The following TRIM44 variants were observed in gnomAD, a reference collection of about 807,000 sequenced individuals.
TRIM44 encodes the protein tripartite motif-containing protein 44.
TRIM44 carries 13 observed loss-of-function variants against 37.4 expected under a neutral mutation model. That is an observed-to-expected ratio of 0.35 (90% CI 0.23 to 0.55). TRIM44 has a LOEUF of 0.55. TRIM44 is among the 20% of genes least tolerant of loss of function. The pLI, the probability that TRIM44 is intolerant of heterozygous loss-of-function variation, is 0.89. For missense variants in TRIM44, 426 were observed against 437.2 expected (o/e 0.97, Z 0.23); for synonymous variants, 175 against 157.2 (o/e 1.11, Z -0.85).
chr11:35,673,821 G>A (rs1322785664), intron 1 of TRIM44, among the ~76,000 whole-genome samples: 1 of 152,000 alleles, frequency 6.6e-6, no homozygotes, highest in Non-Finnish European at 1.5e-5. Context: ...TGTCACCATT[G>A]TCTTGACCAC....
At chr11:35,806,195 T>C (rs147687545) in intron 4 of TRIM44, among the ~76,000 whole-genome samples, 163 bp from the exon 5 acceptor site, 1 of 152,310 alleles carries the variant, frequency 6.6e-6, no homozygotes, top group African/African-American at 2.4e-5. Flanking sequence ...AATCAGAATT[T>C]AGAGAAACGA....
chr11:35,736,121 G>C (rs11033261), intron 4 of TRIM44, among the ~76,000 whole-genome samples: 1 of 152,094 alleles, frequency 6.6e-6, no homozygotes, highest in East Asian at 1.9e-4. Flanking sequence ...AGGAATATTT[G>C]TACAAAGTAA....
chr11:35,790,733 A>G (rs1315854815), intron 4 of TRIM44, among the ~76,000 whole-genome samples: 1 of 152,174 alleles, frequency 6.6e-6, no homozygotes, highest in African/African-American at 2.4e-5. Flanking sequence ...GGCAGATTTC[A>G]TATAGTTCAG....
intron 2 of TRIM44, among the ~76,000 whole-genome samples, chr11:35,715,168 A>G (rs1244859875): frequency 6.6e-6 from 1 of 152,194 alleles, no homozygotes; most frequent in Non-Finnish European, 1.5e-5. Context: ...CAATAAAGTT[A>G]TAGCAGCTGA....
intron 4 of TRIM44, among the ~76,000 whole-genome samples, chr11:35,755,984 G>A (rs1852632705): frequency 6.6e-6 from 1 of 151,834 alleles, no homozygotes; most frequent in African/African-American, 2.4e-5. Flanking sequence ...ACTTGGCAAT[G>A]TGGGCTCTTT....
rs1853579510 is a variant in TRIM44, at chr11:35,816,268, G to A, written c.*9883G>A. 1 of 152,132 alleles carries A rather than the reference G, an allele frequency of 6.6e-6. No homozygotes were observed. The highest frequency in any genetic ancestry group is 2.4e-5 in the African/African-American group (1 of 41,422). The allele number at this position is 152,132 out of a possible 1,614,324, so 9.4% of individuals were successfully genotyped here. A position where few individuals can be genotyped will look rare whatever the true frequency, so the allele number is the denominator to read the frequency against. On this transcript the variant is annotated 3_prime_UTR_variant, in exon 5 of 5. Coordinates refer to ENST00000299413, the MANE Select transcript of TRIM44 (RefSeq NM_017583.6). ...ATTGAATTTGTGAGAAAAAAAAACA[G>A]CTGAGACTGTTTCACAGAAGAGAAA...
At chr11:35,742,542 T>TTAATTATATTAATTGTATTATATA (rs1852417063) in intron 4 of TRIM44, among the ~76,000 whole-genome samples, 1 of 125,328 alleles carries the variant, frequency 8.0e-6, no homozygotes, top group Non-Finnish European at 1.5e-5. Flanking sequence ...TATAATTATA[T>TTAATTATATTAATTGTATTATATA]TAATTATATT....
intron 2 of TRIM44, among the ~76,000 whole-genome samples, chr11:35,688,799 A>G (rs1851609908): frequency 6.6e-6 from 1 of 152,214 alleles, no homozygotes; most frequent in Admixed American, 6.5e-5. Context: ...TGGGGTGGCT[A>G]GACAATGTTC....
chr11:35,694,203 T>G (rs1212969350), intron 2 of TRIM44, among the ~76,000 whole-genome samples: 2 of 152,178 alleles, frequency 1.3e-5, no homozygotes, highest in East Asian at 1.9e-4. Context: ...AACCATAGCC[T>G]TTACAGAAGA....
At chr11:35,730,251 A>G (rs1159851888) in intron 3 of TRIM44, among the ~76,000 whole-genome samples, 2 of 152,230 alleles carry the variant, frequency 1.3e-5, no homozygotes, top group African/African-American at 4.8e-5. Context: ...GCAAACCGAA[A>G]GAAAGATTTG....
At chr11:35,744,478 A>T (rs933465057) in intron 4 of TRIM44, among the ~76,000 whole-genome samples, 1 of 152,218 alleles carries the variant, frequency 6.6e-6, no homozygotes, top group African/African-American at 2.4e-5. Flanking sequence ...TTTGTCAATA[A>T]CATTTAAAAA....
intron 2 of TRIM44, among the ~76,000 whole-genome samples, chr11:35,702,812 G>C (rs575369394): frequency 2.6e-5 from 4 of 152,348 alleles, no homozygotes; most frequent in Admixed American, 1.3e-4. Flanking sequence ...CCAGTCTACA[G>C]CTCCCAGCGT....
At chr11:35,675,579 T>A (rs1169771810) in intron 1 of TRIM44, among the ~76,000 whole-genome samples, 1 of 152,054 alleles carries the variant, frequency 6.6e-6, no homozygotes, top group Non-Finnish European at 1.5e-5. Context: ...TGAGACGGAG[T>A]GGCACGATGT....
chr11:35,737,214 C>T (rs542460921), intron 4 of TRIM44, among the ~76,000 whole-genome samples: 1 of 152,282 alleles, frequency 6.6e-6, no homozygotes, highest in African/African-American at 2.4e-5. Flanking sequence ...GGAAAAAAGA[C>T]AGCAGAGCCC....
intron 2 of TRIM44, among the ~76,000 whole-genome samples, chr11:35,709,651 A>G (rs553554490): frequency 6.6e-6 from 1 of 152,270 alleles, no homozygotes; most frequent in South Asian, 2.1e-4. Context: ...CGGAGAGCTC[A>G]AAATGCAAAT....
chr11:35,702,940 G>A (rs1168135637), intron 2 of TRIM44, among the ~76,000 whole-genome samples: 6 of 152,214 alleles, frequency 3.9e-5, no homozygotes, highest in African/African-American at 1.2e-4. Flanking sequence ...TGCACGAGCC[G>A]AAGCAGGGCG....
chr11:35,753,455 G>A (rs1378655009), intron 4 of TRIM44, among the ~76,000 whole-genome samples: 1 of 152,102 alleles, frequency 6.6e-6, no homozygotes, highest in Non-Finnish European at 1.5e-5. Flanking sequence ...CTGGCCTAAA[G>A]AATAACTTGT....
At chr11:35,803,505 C>T (rs115520797) in intron 4 of TRIM44, among the ~76,000 whole-genome samples, 1,525 of 152,082 alleles carry the variant, frequency 0.01, 26 homozygotes, top group African/African-American at 0.035. Flanking sequence ...CTGGGGCAGG[C>T]GGAATCACAA....
intron 4 of TRIM44, among the ~76,000 whole-genome samples, chr11:35,775,900 A>T (rs1408725128): frequency 6.6e-6 from 1 of 152,150 alleles, no homozygotes; most frequent in African/African-American, 2.4e-5. Context: ...TTTTGCATCG[A>T]TGTTCATCAA....
Sources: allele counts gnomAD v4.1 joint callset (sites outside exome capture counted in the v4.1 genomes callset), GRCh38; gene constraint gnomAD v4.1.1; transcripts MANE v1.5; gene names NCBI Gene and HGNC (gene_info 2026-07-23, HGNC 2026-07-21).